The following FAM167A variants were observed in gnomAD, a reference collection of about 807,000 sequenced individuals.
FAM167A encodes the protein family with sequence similarity 167 member A.
Under a neutral mutation model 14.9 loss-of-function variants are expected in FAM167A, and 23 were observed. The observed-to-expected ratio is 1.55, with a 90% CI of 1.11 to 2.19. FAM167A has a LOEUF of 2.19. Ranked by LOEUF, FAM167A falls within the 30% of genes most tolerant of loss-of-function variation. FAM167A has a pLI of 0.00. For missense variants in FAM167A, 401 were observed against 281.5 expected (o/e 1.42, Z -3.04); for synonymous variants, 174 against 117.7 (o/e 1.48, Z -3.10).
At chr8:11,436,325 C>A (rs1437539420) in intron 2 of FAM167A, among the ~76,000 whole-genome samples, 1 of 152,240 alleles carries the variant, frequency 6.6e-6, no homozygotes, top group Non-Finnish European at 1.5e-5. Flanking sequence ...CCCTGCCACT[C>A]CCCTGGAGAG....
chr8:11,432,099 C>T (rs2117020494), intron 2 of FAM167A, among the ~76,000 whole-genome samples: 1 of 152,142 alleles, frequency 6.6e-6, no homozygotes, highest in East Asian at 1.9e-4. Flanking sequence ...TGTTCACTTG[C>T]TTGGTCTAAA....
At chr8:11,459,176 C>CAATA (rs1198458442) in intron 1 of FAM167A, among the ~76,000 whole-genome samples, 1 of 152,086 alleles carries the variant, frequency 6.6e-6, no homozygotes, top group African/African-American at 2.4e-5. Context: ...AGGCACTGTG[C>CAATA]AATATCTAGT....
At chr8:11,470,671 G>C (rs1201045204), upstream of FAM167A, among the ~76,000 whole-genome samples, 1 of 152,150 alleles carries the variant, frequency 6.6e-6, no homozygotes, top group Non-Finnish European at 1.5e-5. Context: ...AGGGATACAA[G>C]AGAAGGAAGG....
chr8:11,450,256 T>G (rs981064505), intron 1 of FAM167A, among the ~76,000 whole-genome samples: 14 of 152,196 alleles, frequency 9.2e-5, no homozygotes, highest in Admixed American at 1.3e-4. Context: ...GGGCTGTGTG[T>G]ACCCAGGACA....
chr8:11,444,031 C>T lies in FAM167A; in HGVS notation c.381G>A (p.Leu127=). 6.2e-7 allele frequency: 1 copy of T among 1,609,630 alleles called. No individual in the cohort carries two copies. The highest frequency in any genetic ancestry group is 1.7e-5 in the Admixed American group (1 of 59,562). The part of the protein sequence containing the change: ...DEAIAWLRKE[L]TEMRLQDQQL... The stretch of plus-strand genomic sequence containing the variant: ...GGGATTCTTGGGGGCAGCCACTCAC[C>T]AGTTCCTTCCTGAGCCAGGCTATAG... Residue 127 remains leucine (L), a splice_region_variant and synonymous_variant, in exon 2 of 3, where the codon CTG becomes CTA. Coordinates refer to ENST00000284486, the MANE Select transcript of FAM167A (RefSeq NM_053279.3).
At position 11,444,451 on chromosome 8, in the gene FAM167A, G is replaced by A. The variant is rs374029346; in HGVS notation, c.-40C>T. ...TGGCAGCCGGACATGCGAGGGCACG[G>A]GGGGCGCAGGGGGAGGCTTGGTGGG... On this transcript the variant is annotated 5_prime_UTR_variant, in exon 2 of 3. Coordinates refer to ENST00000284486, the MANE Select transcript of FAM167A (RefSeq NM_053279.3). 6 of 1,511,644 alleles carry A rather than the reference G, an allele frequency of 4.0e-6. No individual in the cohort carries two copies. The highest frequency in any genetic ancestry group is 5.3e-6 in the Non-Finnish European group (6 of 1,131,776). The allele number at this position is 1,511,644 out of a possible 1,614,324, so 93.6% of individuals were successfully genotyped here.
intron 1 of FAM167A, among the ~76,000 whole-genome samples, chr8:11,466,350 AGCCCG>A (rs1434420692): frequency 1.3e-5 from 2 of 152,166 alleles, no homozygotes; most frequent in Non-Finnish European, 2.9e-5. Context: ...CCAGAATCCG[AGCCCG>A]GACACGGCCA....
chr8:11,459,729 T>A (rs927973370), intron 1 of FAM167A, among the ~76,000 whole-genome samples: 6 of 152,230 alleles, frequency 3.9e-5, no homozygotes, highest in Non-Finnish European at 7.3e-5. Flanking sequence ...CTTTTCTTTT[T>A]TTGAGACAGA....
In FAM167A at chr8:11,424,412, G is replaced by C; in HGVS notation, c.606C>G (p.Thr202=). ...ACCTCCGAGAGTTGATGTTCATCTT[G>C]GTCACGCCAATAAGCTTGAGTGGTG... ...LSTPLKLIGV[T]KMNINSRRFS... is the part of the protein sequence containing the mutation. The change falls in exon 3 of 3, where the codon ACC becomes ACG. Residue 202 remains threonine, a synonymous_variant. Transcript: ENST00000284486. 4 of 1,614,060 alleles carry C rather than the reference G, an allele frequency of 2.5e-6. No homozygotes were observed. Among genetic ancestry groups the C allele is most frequent in the Non-Finnish European group, 3.4e-6 (4 of 1,180,004 alleles).
intron 2 of FAM167A, among the ~76,000 whole-genome samples, chr8:11,433,292 C>G (rs1214316346): frequency 1.3e-5 from 2 of 152,150 alleles, no homozygotes; most frequent in Non-Finnish European, 2.9e-5. Flanking sequence ...TACCTTTAAC[C>G]TACCATGGTT....
intron 1 of FAM167A, 43 bp from the exon 2 acceptor site, chr8:11,444,851 T>TGCCAC: frequency 3.0e-6 from 3 of 989,830 alleles, no homozygotes; most frequent in Non-Finnish European, 3.6e-6. Flanking sequence ...ATCCCTGCCC[T>TGCCAC]GCCACTCAGA....
chr8:11,449,439 A>G (rs779578007), intron 1 of FAM167A, among the ~76,000 whole-genome samples: 23 of 152,164 alleles, frequency 1.5e-4, no homozygotes, highest in Non-Finnish European at 2.1e-4. Flanking sequence ...CCCTCGCTTG[A>G]CAAACCAGGG....
intron 1 of FAM167A, among the ~76,000 whole-genome samples, chr8:11,461,348 G>A (rs1277005839): frequency 1.3e-5 from 2 of 152,270 alleles, no homozygotes; most frequent in East Asian, 1.9e-4. Flanking sequence ...CCCGGGAAAC[G>A]CTCGACAAGG....
chr8:11,446,481 G>C (rs1806789369), intron 1 of FAM167A: 2 of 152,182 alleles, frequency 1.3e-5, no homozygotes, highest in Non-Finnish European at 2.9e-5. Context: ...ATGGGACTTA[G>C]ACAGCAGTGT....
At chr8:11,446,692 A>C (rs1478764702) in intron 1 of FAM167A, 1 of 152,102 alleles carries the variant, frequency 6.6e-6, no homozygotes, top group Non-Finnish European at 1.5e-5. Context: ...ATTCACCGGC[A>C]CTCTCTGAAG....
At chr8:11,430,886 C>G (rs1463142572) in intron 2 of FAM167A, among the ~76,000 whole-genome samples, 3 of 151,694 alleles carry the variant, frequency 2.0e-5, no homozygotes, top group Admixed American at 2.0e-4. Context: ...CAGTGGTTTG[C>G]TGGGGGGTCT....
Position 11,460,162 on chromosome 8 carries a change from G to T in FAM167A, c.-398+6464C>A, listed in dbSNP as rs574414289. On this transcript the variant is annotated intron_variant, in intron 1 of 2. Transcript: ENST00000284486. ...GGCATGAAACCCACTACAGGGCTCT[G>T]GGAGGGGCAGGCGCCCTAGTGGGCT... Among the ~76,000 whole-genome samples the T allele has an allele frequency of 1.6e-3, 242 of 152,378 alleles. 3 individuals carry two copies. Among genetic ancestry groups the T allele is most frequent in the African/African-American group, 5.7e-3 (239 of 41,594 alleles).
intron 2 of FAM167A, among the ~76,000 whole-genome samples, chr8:11,429,222 T>G (rs1052070316): frequency 6.6e-6 from 1 of 152,256 alleles, no homozygotes. Flanking sequence ...ATTTGTCCTT[T>G]GTGAGTGGCT....
chr8:11,445,787 C>A (rs1806749477), intron 1 of FAM167A, among the ~76,000 whole-genome samples: 1 of 151,238 alleles, frequency 6.6e-6, no homozygotes, highest in African/African-American at 2.4e-5. Flanking sequence ...GATTTGGACC[C>A]AGGTGGTAAG....
Sources: gnomAD v4.1 joint callset for allele counts (sites outside exome capture counted in the v4.1 genomes callset) on GRCh38, gnomAD v4.1.1 for gene constraint, MANE v1.5 for transcripts, NCBI Gene and HGNC (gene_info 2026-07-23, HGNC 2026-07-21) for gene names.